The following AACS variants were observed in gnomAD, a reference collection of about 807,000 sequenced individuals.
The protein encoded by AACS is acetoacetyl-CoA synthetase.
In AACS, 69 loss-of-function variants were observed where a neutral mutation model predicts 83.1. That is an observed-to-expected ratio of 0.83 (90% CI 0.68 to 1.01). The LOEUF is 1.01. Among genes scored for constraint, AACS ranks in the 50% least tolerant of loss-of-function variants. The pLI is 0.00. For missense variants in AACS, 866 were observed against 882.2 expected (o/e 0.98, Z 0.23); for synonymous variants, 333 against 343.4 (o/e 0.97, Z 0.33).
At chr12:125,080,976 T>C (rs571393630) in intron 3 of AACS, among the ~76,000 whole-genome samples, 126 of 147,158 alleles carry the variant, frequency 8.6e-4, no homozygotes, top group African/African-American at 2.9e-3. Flanking sequence ...CAGGCGTGAG[T>C]CACCGTGCCT....
chr12:125,125,822 G>C (rs1224720927), intron 12 of AACS: 1 of 152,100 alleles, frequency 6.6e-6, no homozygotes, highest in Non-Finnish European at 1.5e-5. Context: ...CATTGGCCAT[G>C]ATGAGTGAAA....
chr12:125,071,837 G>A (rs1328606802), intron 1 of AACS, among the ~76,000 whole-genome samples: 1 of 152,056 alleles, frequency 6.6e-6, no homozygotes. Flanking sequence ...TGCTGTTGGC[G>A]AATGCACTTT....
chr12:125,109,497 C>CT (rs899837152), intron 8 of AACS, among the ~76,000 whole-genome samples: 6 of 152,170 alleles, frequency 3.9e-5, no homozygotes, highest in African/African-American at 1.4e-4. Flanking sequence ...TGTTATTTTG[C>CT]TTTTTGTTGA....
chr12:125,118,613 T>C, intron 9 of AACS, 28 bp from the exon 10 acceptor site: 1 of 1,613,186 alleles, frequency 6.2e-7, no homozygotes, highest in East Asian at 2.2e-5. Flanking sequence ...TAGCGCCCGC[T>C]GAAGCCGCAT....
intron 4 of AACS, among the ~76,000 whole-genome samples, chr12:125,088,799 C>G (rs1956397491): frequency 6.6e-6 from 1 of 152,206 alleles, no homozygotes; most frequent in African/African-American, 2.4e-5. Flanking sequence ...GCCCTGGACC[C>G]TTCAGAGGTG....
In AACS at chr12:125,130,387, G is replaced by A. The variant is rs980588504; in HGVS notation, c.1549+927G>A. Among the ~76,000 whole-genome samples the A allele has an allele frequency of 6.6e-6, 1 of 152,270 alleles. No individual in the cohort carries two copies. Among genetic ancestry groups the A allele is most frequent in the African/African-American group, 2.4e-5 (1 of 41,476 alleles). Reference sequence around the variant, plus strand: ...ACCTTGGCTCCTGCCGTGAGCAGCTGTGCAGACAGACGAATGCAGAAAAGC... The same window carrying A: ...ACCTTGGCTCCTGCCGTGAGCAGCTATGCAGACAGACGAATGCAGAAAAGC... On this transcript the variant is annotated intron_variant, in intron 14 of 17. Transcript: ENST00000316519. The surrounding 1 kb of genome is among the most constrained non-coding windows in gnomAD (Gnocchi z 4.9).
Position 125,114,457 on chromosome 12 carries a change from C to T in AACS, c.916-20C>T, listed in dbSNP as rs767131453. ...GTATGCCTAACAGAGAGCACCCGCT[C>T]CCCCGTGTCTCCCCTGCAGGGCACC... On this transcript the variant is annotated intron_variant, in intron 8 of 17. Transcript: ENST00000316519. 8 of 1,609,636 alleles carry T rather than the reference C, an allele frequency of 5.0e-6. No homozygotes were observed. The highest frequency in any genetic ancestry group is 1.1e-5 in the South Asian group (1 of 90,784).
intron 16 of AACS, among the ~76,000 whole-genome samples, chr12:125,135,295 G>T (rs1235136913): frequency 6.6e-6 from 1 of 151,664 alleles, no homozygotes; most frequent in Non-Finnish European, 1.5e-5. Flanking sequence ...GGGTTTCACC[G>T]TGTTGGCCAG....
intron 5 of AACS, among the ~76,000 whole-genome samples, chr12:125,096,024 G>A (rs373229400): frequency 6.6e-5 from 10 of 152,190 alleles, no homozygotes; most frequent in African/African-American, 2.4e-4. Flanking sequence ...GAGTGCAGTG[G>A]CGCGATCTCG....
chr12:125,069,916 G>A (rs1400480930), intron 1 of AACS, among the ~76,000 whole-genome samples: 1 of 152,196 alleles, frequency 6.6e-6, no homozygotes, highest in Non-Finnish European at 1.5e-5. Flanking sequence ...TCTGAGTACT[G>A]CACTGTTGTA....
At chr12:125,138,817 A>G (rs1309380735) in intron 17 of AACS, 1 of 151,936 alleles carries the variant, frequency 6.6e-6, no homozygotes, top group Admixed American at 6.6e-5. Context: ...CAGGCTTAGG[A>G]GAGGATTTAC....
chr12:125,100,069 A>C (rs911872638), intron 5 of AACS, among the ~76,000 whole-genome samples: 1 of 152,122 alleles, frequency 6.6e-6, no homozygotes. Context: ...AGGCTGGAGT[A>C]CAGTGCTGCG....
chr12:125,109,019 A>AATAAAATAC (rs1041629729), intron 8 of AACS, among the ~76,000 whole-genome samples: 21 of 151,898 alleles, frequency 1.4e-4, no homozygotes, highest in Non-Finnish European at 2.6e-4. Context: ...TTTTGAAAAA[A>AATAAAATAC]ATAAAATACC....
Position 125,114,468 on chromosome 12 carries a change from C to T in AACS, c.916-9C>T, listed in dbSNP as rs1304056220. On this transcript the variant is annotated splice_polypyrimidine_tract_variant and intron_variant, in intron 8 of 17. Transcript: ENST00000316519. ...AGAGAGCACCCGCTCCCCCGTGTCT[C>T]CCCTGCAGGGCACCCTCATCCAGCA... 1 of 1,612,286 alleles carries T rather than the reference C, an allele frequency of 6.2e-7. No homozygotes were observed. The highest frequency in any genetic ancestry group is 1.7e-5 in the Admixed American group (1 of 59,912).
At position 125,103,751 on chromosome 12, in the gene AACS, G is replaced by A. The variant is rs1956768458; in HGVS notation, c.767+670G>A. Among the ~76,000 whole-genome samples the A allele has an allele frequency of 1.3e-5, 2 of 152,046 alleles. 1 individual carries two copies. Among genetic ancestry groups the A allele is most frequent in the African/African-American group, 4.8e-5 (2 of 41,428 alleles). On this transcript the variant is annotated intron_variant, in intron 7 of 17. Coordinates refer to ENST00000316519, the MANE Select transcript of AACS (RefSeq NM_023928.5). Reference sequence around the variant, plus strand: ...CGCCTGTAATCCCAGCACTTTGGGAGGCCGAGGCAGGCGGATCACGAGGTC... The same window carrying A: ...CGCCTGTAATCCCAGCACTTTGGGAAGCCGAGGCAGGCGGATCACGAGGTC...
chr12:125,137,603 T>G (rs1235877651), intron 17 of AACS, among the ~76,000 whole-genome samples: 2 of 152,180 alleles, frequency 1.3e-5, no homozygotes, highest in East Asian at 3.8e-4. Flanking sequence ...TGTGTCGTCA[T>G]CCCCCAGCCC....
intron 12 of AACS, among the ~76,000 whole-genome samples, chr12:125,125,268 T>C (rs1957230185): frequency 6.6e-6 from 1 of 152,228 alleles, no homozygotes; most frequent in Non-Finnish European, 1.5e-5. Context: ...TCACATCGAT[T>C]ATAGTCTTAA....
intron 4 of AACS, among the ~76,000 whole-genome samples, chr12:125,090,277 T>C (rs111869816): frequency 0.016 from 118 of 7,232 alleles, no homozygotes; most frequent in Middle Eastern, 0.062. Flanking sequence ...ATCTTCCATT[T>C]ATCATCCCTC....
Position 125,107,224 on chromosome 12 carries a change from T to C in AACS, c.871T>C (p.Ser291Pro). The change falls in exon 8 of 18, where the codon TCG (serine) becomes CCG (proline). Residue 291 changes from serine (S) to proline (P), a missense_variant. Physicochemically the swap from Ser to Pro is moderately conservative, Grantham distance 74 (BLOSUM62 -1). Transcript: ENST00000316519. ...CCACCCACTGTTCATCATGTTCTCA[T>C]CGGGCACCACGGGCGCACCCAAGTG... ...FSHPLFIMFS[S>P]GTTGAPKCMV... 1 of 1,614,114 alleles carries C rather than the reference T, an allele frequency of 6.2e-7. No individual in the cohort carries two copies. Among genetic ancestry groups the C allele is most frequent in the Non-Finnish European group, 8.5e-7 (1 of 1,180,044 alleles).
Sources: gnomAD v4.1 joint callset for allele counts (sites outside exome capture counted in the v4.1 genomes callset) on GRCh38, gnomAD v4.1.1 for gene constraint, Gnocchi (gnomAD v3.1) non-coding constraint, MANE v1.5 for transcripts, NCBI Gene and HGNC (gene_info 2026-07-23, HGNC 2026-07-21) for gene names.